Variants in CCDC14 observed in about 807,000 individuals in gnomAD.
The protein encoded by CCDC14 is coiled-coil domain containing 14.
Under a neutral mutation model 81.4 loss-of-function variants are expected in CCDC14, and 71 were observed. That is an observed-to-expected ratio of 0.87 (90% CI 0.72 to 1.06). The LOEUF (loss-of-function observed/expected upper bound fraction) is 1.06, where lower values mean the gene tolerates loss of function less well. CCDC14 is among the 50% of genes least tolerant of loss of function. The pLI, the probability that CCDC14 is intolerant of heterozygous loss-of-function variation, is 0.00. For synonymous variants in CCDC14, 332 were observed against 364.8 expected (o/e 0.91, Z 1.03); for missense variants, 1,046 against 1,047.3 (o/e 1.00, Z 0.02).
In CCDC14 at chr3:123,920,364, T is replaced by A. The variant is rs576877288; in HGVS notation, c.1779-4646A>T. ...ATAATGGCTGAAAATTCTCCAAATC[T>A]AGGGAAAGACACCAATATTCAGGTA... On this transcript the variant is annotated intron_variant, in intron 12 of 12. Coordinates refer to ENST00000409697, the MANE Select transcript of CCDC14 (RefSeq NM_001366335.1). Among the ~76,000 whole-genome samples the A allele has an allele frequency of 2.0e-5, 3 of 152,236 alleles. No individual in the cohort carries two copies. In the East Asian group the frequency reaches 5.8e-4, roughly 29 times the overall value.
At chr3:123,895,495 A>G (rs1249395090), downstream of CCDC14, among the ~76,000 whole-genome samples, 1 of 152,258 alleles carries the variant, frequency 6.6e-6, no homozygotes. Context: ...GTCTAGCTGC[A>G]CAATGGACTC....
the CCDC14 span, among the ~76,000 whole-genome samples, chr3:123,890,878 G>T: frequency 1.3e-5 from 2 of 152,146 alleles, no homozygotes; most frequent in Non-Finnish European, 2.9e-5. Flanking sequence ...CTCCCACACT[G>T]CCCTAGCAGA....
intron 9 of CCDC14, among the ~76,000 whole-genome samples, chr3:123,938,671 TC>T: frequency 6.6e-6 from 1 of 152,088 alleles, no homozygotes; most frequent in Middle Eastern, 3.4e-3. Flanking sequence ...TGGATAACAT[TC>T]ATACATTCTC....
At chr3:123,915,928 T>A (rs1249366321) in intron 12 of CCDC14, among the ~76,000 whole-genome samples, 1 of 151,726 alleles carries the variant, frequency 6.6e-6, no homozygotes, top group African/African-American at 2.4e-5. Context: ...TTGGTCTGTA[T>A]CGAATCTATC....
chr3:123,896,495 C>A (rs908629423), downstream of CCDC14, among the ~76,000 whole-genome samples: 14 of 152,108 alleles, frequency 9.2e-5, no homozygotes, highest in African/African-American at 3.4e-4. Context: ...TCATTTGCAA[C>A]AACATGGGTG....
the CCDC14 span, among the ~76,000 whole-genome samples, chr3:123,891,708 C>T: frequency 2.6e-5 from 4 of 152,220 alleles, no homozygotes; most frequent in Non-Finnish European, 1.5e-5. Flanking sequence ...CCAAACTTTC[C>T]CACATTTTCC....
chr3:123,931,267 C>T lies in CCDC14; in HGVS notation c.1646-33G>A, dbSNP rs768246623. On this transcript the variant is annotated intron_variant, in intron 11 of 12. Coordinates refer to ENST00000409697, the MANE Select transcript of CCDC14 (RefSeq NM_001366335.1). ...AACAAAAGTTTCAGTTTCCTTATTC[C>T]TTTTAAAAGATGTGACCATAACTAC... 3.8e-6 allele frequency: 6 copies of T among 1,586,092 alleles called. No homozygotes were observed. The South Asian group carries it at 4.7e-5, about 12-fold the overall frequency.
At chr3:123,940,819 T>C (rs1224084851) in intron 9 of CCDC14, among the ~76,000 whole-genome samples, 2 of 152,098 alleles carry the variant, frequency 1.3e-5, no homozygotes, top group African/African-American at 4.8e-5. Flanking sequence ...CTTGTTCCTG[T>C]ACTCCAGACA....
intron 7 of CCDC14, 86 bp from the exon 8 acceptor site, chr3:123,947,405 A>G: frequency 1.1e-6 from 1 of 874,524 alleles, no homozygotes; most frequent in Admixed American, 2.6e-5. Flanking sequence ...TATGAAATAT[A>G]TTTATTAAAA....
At chr3:123,961,024 C>T (rs1185331955) in intron 1 of CCDC14, 120 bp downstream of exon 1, 48 of 898,640 alleles carry the variant, frequency 5.3e-5, no homozygotes, top group Middle Eastern at 6.9e-4. Flanking sequence ...TGTCCCAGCA[C>T]TTTAATGTCG....
chr3:123,900,585 T>C (rs184702354), intron 5 of CCDC14, among the ~76,000 whole-genome samples: 11 of 152,352 alleles, frequency 7.2e-5, no homozygotes, highest in Non-Finnish European at 1.2e-4. Flanking sequence ...GAAAGTTCTT[T>C]CTTATGTTTA....
At chr3:123,944,530 T>C (rs1259399652) in intron 9 of CCDC14, among the ~76,000 whole-genome samples, 3 of 152,142 alleles carry the variant, frequency 2.0e-5, no homozygotes, top group Admixed American at 6.6e-5. Flanking sequence ...TGCTGTGCTA[T>C]GCAAATGAGA....
At position 123,956,386 on chromosome 3, in the gene CCDC14, C is replaced by A. The variant is rs954750074; in HGVS notation, c.128G>T (p.Gly43Val). The A allele has an allele frequency of 1.9e-6, 3 of 1,547,656 alleles. No individual in the cohort carries two copies. The highest frequency in any genetic ancestry group is 1.7e-6 in the Non-Finnish European group (2 of 1,144,780). The change falls in exon 3 of 13, where the codon GGC (glycine) becomes GTC (valine). Residue 43 changes from glycine (G) to valine (V), a missense_variant. Transcript: ENST00000409697. ...TTCTGAATCAGAATGGATGGAATAG[C>A]CAGAATCTGCATTAAAACGTGGTAT... ...RKIPRFNADS[G>V]YSIHSDSESQ...
At chr3:123,888,548 G>C in the CCDC14 span, among the ~76,000 whole-genome samples, 1 of 152,122 alleles carries the variant, frequency 6.6e-6, no homozygotes, top group Admixed American at 6.5e-5. Flanking sequence ...CTGAAACTGG[G>C]TAATTTATGA....
chr3:123,919,457 A>G (rs1040131091), intron 12 of CCDC14, among the ~76,000 whole-genome samples: 6 of 152,180 alleles, frequency 3.9e-5, no homozygotes, highest in Non-Finnish European at 5.9e-5. Context: ...ACCCTGCCCA[A>G]TTAGATTCTA....
chr3:123,918,737 C>T (rs772239667), intron 12 of CCDC14, among the ~76,000 whole-genome samples: 1 of 152,190 alleles, frequency 6.6e-6, no homozygotes, highest in East Asian at 1.9e-4. Flanking sequence ...TTTGTTCCTA[C>T]AGGGCTAGAA....
intron 2 of CCDC14, 67 bp downstream of exon 2, chr3:123,956,673 G>T: frequency 1.5e-6 from 2 of 1,291,360 alleles, no homozygotes; most frequent in Non-Finnish European, 2.2e-6. Context: ...TAGACGACAT[G>T]TCATCCAGCC....
intron 12 of CCDC14, among the ~76,000 whole-genome samples, chr3:123,918,294 T>C (rs1025067738): frequency 1.8e-4 from 27 of 152,258 alleles, no homozygotes; most frequent in African/African-American, 6.3e-4. Flanking sequence ...GTTCTTCAAA[T>C]GGCAATGGCT....
intron 5 of CCDC14, among the ~76,000 whole-genome samples, chr3:123,950,111 T>C (rs1008716404): frequency 6.6e-6 from 1 of 152,244 alleles, no homozygotes; most frequent in Admixed American, 6.5e-5. Flanking sequence ...ACTATTTCCC[T>C]AATTAGGTCC....
Sources: gnomAD v4.1 joint callset for allele counts (sites outside exome capture counted in the v4.1 genomes callset) on GRCh38, gnomAD v4.1.1 for gene constraint, MANE v1.5 for transcripts, NCBI Gene and HGNC (gene_info 2026-07-23, HGNC 2026-07-21) for gene names.